The following RGS17 variants were observed in gnomAD, a reference collection of about 807,000 sequenced individuals.
RGS17 encodes the protein regulator of G protein signaling 17.
A neutral mutation model predicts 25.5 loss-of-function variants in RGS17; 12 were observed. That is an observed-to-expected ratio of 0.47 (90% CI 0.30 to 0.76). RGS17 has a LOEUF of 0.76. Ranked by LOEUF, RGS17 falls within the 30% of genes least tolerant of loss-of-function variation. RGS17 has a pLI of 0.07. For missense variants in RGS17, 196 were observed against 242.2 expected, an observed-to-expected ratio of 0.81 and a Z score of 1.27; for synonymous variants, 71 against 76.9, an observed-to-expected ratio of 0.92 and a Z score of 0.40.
At position 153,026,671 on chromosome 6, in the gene RGS17, A is replaced by G. The variant is rs968828526; in HGVS notation, c.120-128T>C. 15 of 613,688 alleles carry G rather than the reference A, an allele frequency of 2.4e-5. No individual in the cohort carries two copies. In the Admixed American group the frequency reaches 4.3e-4, roughly 18 times the overall value. The allele number at this position is 613,688 out of a possible 1,614,324, so 38.0% of individuals were successfully genotyped here. Reference sequence around the variant, plus strand: ...AACTATGTGAGAATATTTAAAGTATAAAAGAGCAATACCATTTTTAAATGA... The same window carrying G: ...AACTATGTGAGAATATTTAAAGTATGAAAGAGCAATACCATTTTTAAATGA... On this transcript the variant is annotated intron_variant, in intron 2 of 4. Coordinates refer to ENST00000206262, the MANE Select transcript of RGS17 (RefSeq NM_012419.5).
rs572593308 is a variant in RGS17, at chr6:153,129,430, T to G, written c.-26+1694A>C. Among the ~76,000 whole-genome samples, 4 of 152,366 alleles carry G rather than the reference T, an allele frequency of 2.6e-5. No individual in the cohort carries two copies. The East Asian group carries it at 7.7e-4, about 29-fold the overall frequency. ...CAGAAGACTTCGGAAACAAGTACAATGTACTTTAAATGTTTCACGGTTTGC... is the reference window on the plus strand; with the variant it reads ...CAGAAGACTTCGGAAACAAGTACAAGGTACTTTAAATGTTTCACGGTTTGC... On this transcript the variant is annotated intron_variant, in intron 1 of 4. Transcript: ENST00000206262.
chr6:153,038,645 T>A (rs1776282591), intron 2 of RGS17, among the ~76,000 whole-genome samples: 1 of 152,190 alleles, frequency 6.6e-6, no homozygotes, highest in Admixed American at 6.5e-5. Context: ...TGATTCACCT[T>A]GCCTGTGTGA....
At chr6:153,127,216 C>T (rs986244601) in intron 1 of RGS17, among the ~76,000 whole-genome samples, 1 of 152,196 alleles carries the variant, frequency 6.6e-6, no homozygotes, top group East Asian at 1.9e-4. Flanking sequence ...AGCCACTCAC[C>T]TCCTGCTGTG....
chr6:153,057,527 G>A (rs1360093276), intron 1 of RGS17, among the ~76,000 whole-genome samples: 1 of 152,120 alleles, frequency 6.6e-6, no homozygotes, highest in Non-Finnish European at 1.5e-5. Flanking sequence ...CCTTTGGTTA[G>A]TTACTCCAGC....
At chr6:153,088,852 A>G (rs1000112380) in intron 1 of RGS17, among the ~76,000 whole-genome samples, 2 of 152,196 alleles carry the variant, frequency 1.3e-5, no homozygotes, top group Non-Finnish European at 2.9e-5. Context: ...TCCCTGAGAT[A>G]GTACCATGTA....
intron 2 of RGS17, among the ~76,000 whole-genome samples, chr6:153,034,234 A>G (rs1776203531): frequency 6.6e-6 from 1 of 152,322 alleles, no homozygotes; most frequent in Middle Eastern, 3.4e-3. Flanking sequence ...CATGGAAGAC[A>G]ACAATCTTGA....
intron 1 of RGS17, among the ~76,000 whole-genome samples, chr6:153,044,388 C>G (rs1043507737): frequency 1.3e-5 from 2 of 152,120 alleles, no homozygotes; most frequent in African/African-American, 4.8e-5. Context: ...TTTATGGACA[C>G]CATTCGGTGA....
chr6:153,070,899 G>A (rs530399830), intron 1 of RGS17, among the ~76,000 whole-genome samples: 56 of 149,010 alleles, frequency 3.8e-4, no homozygotes, highest in Non-Finnish European at 4.6e-4. Flanking sequence ...GTACATATGC[G>A]TATATGTACA....
intron 2 of RGS17, among the ~76,000 whole-genome samples, chr6:153,033,674 C>T (rs1554236457): frequency 6.6e-6 from 1 of 152,040 alleles, no homozygotes; most frequent in Non-Finnish European, 1.5e-5. Context: ...GCTGAGATGG[C>T]ACCACTGCAC....
In RGS17 at chr6:153,044,122, CA is replaced by C. The variant is rs1361000524; in HGVS notation, c.-25-80del. On this transcript the variant is annotated intron_variant, in intron 1 of 4. Transcript: ENST00000206262. ...GCGTATGCTGAAGGAAGGCTCATTT[CA>C]CTAAGGAAGGAGGGAGGTAATTTAA... 16 of 729,580 alleles carry C rather than the reference CA, an allele frequency of 2.2e-5. No homozygotes were observed. The East Asian group carries it at 4.1e-4, about 19-fold the overall frequency. 45.2% of individuals were successfully genotyped at this position (729,580 alleles called of 1,614,324 possible). A position where few individuals can be genotyped will look rare whatever the true frequency, so the allele number is the denominator to read the frequency against.
chr6:153,065,577 C>T (rs571414129), intron 1 of RGS17, among the ~76,000 whole-genome samples: 43 of 152,258 alleles, frequency 2.8e-4, no homozygotes, highest in African/African-American at 1.0e-3. Flanking sequence ...ATAATATCAA[C>T]CATCTTTTCT....
intron 1 of RGS17, among the ~76,000 whole-genome samples, chr6:153,121,218 A>G (rs1777626586): frequency 6.6e-6 from 1 of 152,206 alleles, no homozygotes; most frequent in Admixed American, 6.5e-5. Context: ...ACACTTGGAA[A>G]TTCAGACCCA....
intron 4 of RGS17, among the ~76,000 whole-genome samples, chr6:153,019,058 A>C (rs1779212878): frequency 6.6e-6 from 1 of 152,218 alleles, no homozygotes; most frequent in Non-Finnish European, 1.5e-5. Context: ...AAAAATCAGA[A>C]AAAGCAAACT....
At chr6:153,064,591 C>T (rs1368696999) in intron 1 of RGS17, among the ~76,000 whole-genome samples, 3 of 151,178 alleles carry the variant, frequency 2.0e-5, no homozygotes, top group Admixed American at 2.0e-4. Flanking sequence ...GATCCTGCCA[C>T]TACAGTCCAG....
chr6:153,096,701 T>C (rs1020731287), intron 1 of RGS17, among the ~76,000 whole-genome samples: 1 of 152,222 alleles, frequency 6.6e-6, no homozygotes, highest in Non-Finnish European at 1.5e-5. Context: ...CTATGAGGAA[T>C]ATTTTATATT....
chr6:153,058,603 G>C (rs772791269), intron 1 of RGS17, among the ~76,000 whole-genome samples: 1 of 152,188 alleles, frequency 6.6e-6, no homozygotes, highest in Non-Finnish European at 1.5e-5. Context: ...GCCCCACAAA[G>C]TTATCTGCTA....
At chr6:153,058,621 C>T (rs1776595970) in intron 1 of RGS17, among the ~76,000 whole-genome samples, 1 of 152,170 alleles carries the variant, frequency 6.6e-6, no homozygotes, top group Non-Finnish European at 1.5e-5. Flanking sequence ...CTAAATAAGC[C>T]AAATTTGTGA....
At position 153,115,458 on chromosome 6, in the gene RGS17, A is replaced by G. The variant is rs577419326; in HGVS notation, c.-26+15666T>C. Among the ~76,000 whole-genome samples the G allele has an allele frequency of 2.6e-5, 4 of 152,350 alleles. No individual in the cohort carries two copies. The East Asian group carries it at 5.8e-4, about 22-fold the overall frequency. ...ACAAATGGTAAAACATTCCATGATC[A>G]TGGATAGGAAAAATCAATATCGTGA... On this transcript the variant is annotated intron_variant, in intron 1 of 4. Coordinates refer to ENST00000206262, the MANE Select transcript of RGS17 (RefSeq NM_012419.5).
intron 1 of RGS17, among the ~76,000 whole-genome samples, chr6:153,077,622 A>G (rs1376813339): frequency 6.6e-6 from 1 of 152,236 alleles, no homozygotes; most frequent in East Asian, 1.9e-4. Context: ...ATTGACAACA[A>G]AACTAAATTG....
Sources: allele counts gnomAD v4.1 joint callset (sites outside exome capture counted in the v4.1 genomes callset), GRCh38; gene constraint gnomAD v4.1.1; transcripts MANE v1.5; gene names NCBI Gene and HGNC (gene_info 2026-07-23, HGNC 2026-07-21).